Variants in OTOA observed in about 807,000 individuals in gnomAD.
The protein encoded by OTOA is cancer/testis antigen 108.
A neutral mutation model predicts 110.8 loss-of-function variants in OTOA; 70 were observed. The ratio of observed to expected loss-of-function variants is 0.63; its 90% confidence interval spans 0.52 to 0.77. OTOA has a LOEUF of 0.77. Among genes scored for constraint, OTOA ranks in the 30% least tolerant of loss-of-function variants. The probability of loss-of-function intolerance (pLI) is 0.00; values close to 1 mark genes in which losing one functional copy is unlikely to be tolerated. For synonymous variants in OTOA, 373 were observed against 431.5 expected (o/e 0.86, Z 1.68); for missense variants, 917 against 1,075.8 (o/e 0.85, Z 2.06).
intron 5 of OTOA, among the ~76,000 whole-genome samples, chr16:21,679,565 C>T (rs1277728198): frequency 6.6e-6 from 1 of 151,848 alleles, no homozygotes; most frequent in East Asian, 1.9e-4. Context: ...TCACCATGCC[C>T]GGCTAATTTT....
At position 21,701,018 on chromosome 16, in the gene OTOA, C is replaced by T; in HGVS notation, c.971C>T (p.Thr324Ile). Residue 324 changes from threonine (T) to isoleucine (I), a missense_variant, in exon 11 of 29, where the codon ACC (threonine) becomes ATC (isoleucine). Coordinates refer to ENST00000646100, the MANE Select transcript of OTOA (RefSeq NM_144672.4). ...AACTTTAACATGAGGAATACCTCCA[C>T]CATCCACAGGCAAGCGCATGAGCTC... ...SSNFNMRNTS[T>I]IHRLGLLVCF... 6.2e-7 allele frequency: 1 copy of T among 1,614,192 alleles called. No individual in the cohort carries two copies. Among genetic ancestry groups the T allele is most frequent in the Non-Finnish European group, 8.5e-7 (1 of 1,180,042 alleles).
chr16:21,692,339 AAG>A (rs1278094879), intron 9 of OTOA, among the ~76,000 whole-genome samples: 2 of 152,030 alleles, frequency 1.3e-5, no homozygotes, highest in African/African-American at 2.4e-5. Context: ...AAAAAAAAAA[AAG>A]AGAGAGAGAC....
chr16:21,687,208 G>T (rs1466860671), intron 7 of OTOA, among the ~76,000 whole-genome samples: 1 of 152,214 alleles, frequency 6.6e-6, no homozygotes, highest in Non-Finnish European at 1.5e-5. Context: ...TATCTGGAGA[G>T]TGGGGAGGCT....
chr16:21,744,437 G>A (rs1299589749), intron 23 of OTOA, among the ~76,000 whole-genome samples: 16 of 141,500 alleles, frequency 1.1e-4, no homozygotes, highest in Middle Eastern at 3.4e-3. Context: ...GTGAGCCACC[G>A]CACCTAGCCT....
chr16:21,723,210 C>G (rs1401118073), intron 18 of OTOA, among the ~76,000 whole-genome samples: 1 of 152,080 alleles, frequency 6.6e-6, no homozygotes, highest in Non-Finnish European at 1.5e-5. Context: ...CCAAAGCAAC[C>G]CAAGCCTGAA....
At chr16:21,759,398 C>A (rs1900096261) in intron 28 of OTOA, among the ~76,000 whole-genome samples, 2 of 151,890 alleles carry the variant, frequency 1.3e-5, no homozygotes, top group Admixed American at 1.3e-4. Flanking sequence ...AGGAGCTGTG[C>A]CATTGTTGGT....
intron 15 of OTOA, 136 bp downstream of exon 15, chr16:21,717,183 G>A: frequency 7.6e-7 from 1 of 1,319,418 alleles, no homozygotes; most frequent in Middle Eastern, 2.0e-4. Context: ...ATAGTATAGT[G>A]TTAAGAATTT....
chr16:21,727,012 GTTT>G (rs543449382), intron 19 of OTOA: 1,001 of 143,650 alleles, frequency 7.0e-3, no homozygotes, highest in South Asian at 0.019. Flanking sequence ...CCCCCTTAGA[GTTT>G]TTTTTTTTTT....
At chr16:21,757,958 C>G (rs925382515) in intron 28 of OTOA, among the ~76,000 whole-genome samples, 2 of 152,084 alleles carry the variant, frequency 1.3e-5, no homozygotes, top group African/African-American at 4.8e-5. Flanking sequence ...TACTGGGCAC[C>G]TACTATGTTC....
chr16:21,692,394 A>C (rs894803066), intron 9 of OTOA, among the ~76,000 whole-genome samples: 1 of 152,058 alleles, frequency 6.6e-6, no homozygotes, highest in Non-Finnish European at 1.5e-5. Flanking sequence ...AAAACACAGA[A>C]ATTTAACTCT....
At chr16:21,710,186 C>A (rs1249397793) in intron 13 of OTOA, 83 bp downstream of exon 13, 2 of 1,316,404 alleles carry the variant, frequency 1.5e-6, no homozygotes, top group Admixed American at 4.0e-5. Flanking sequence ...TAAAAATATA[C>A]TGTAGATTGA....
chr16:21,695,892 T>TATATATATATATATATATA (rs377002847), intron 9 of OTOA, among the ~76,000 whole-genome samples: 5 of 21,062 alleles, frequency 2.4e-4, no homozygotes, highest in East Asian at 1.1e-3. Flanking sequence ...TATATATATA[T>TATATATATATATATATATA]TTTTTTTTTT....
At chr16:21,730,146 T>C (rs1160903696) in intron 20 of OTOA, 4 of 153,256 alleles carry the variant, frequency 2.6e-5, no homozygotes, top group East Asian at 1.9e-4. Flanking sequence ...AGACCTCCTT[T>C]AGAGATGTCG....
In OTOA at chr16:21,666,243, A is replaced by ATTTT. The variant is rs61085785; in HGVS notation, c.-5+2026_-5+2029dup. On this transcript the variant is annotated intron_variant, in intron 1 of 28. Transcript: ENST00000646100. ...TTTGGATTAATAGTCATGAAATGGC[A>ATTTT]TTTTTTTTTTTTTTTTTTGGTGGAA... 9.8e-4 allele frequency among the ~76,000 whole-genome samples: 126 copies of ATTTT among 129,038 alleles called. 1 individual carries two copies. The highest frequency in any genetic ancestry group is 3.6e-3 in the African/African-American group (122 of 33,982). 84.7% of individuals were successfully genotyped at this position (129,038 alleles called of 152,430 possible).
At chr16:21,724,052 GA>G (rs1898841497) in intron 18 of OTOA, among the ~76,000 whole-genome samples, 1 of 152,166 alleles carries the variant, frequency 6.6e-6, no homozygotes, top group Non-Finnish European at 1.5e-5. Flanking sequence ...GGTTCTCCAA[GA>G]AAAACTAGGT....
intron 12 of OTOA, among the ~76,000 whole-genome samples, chr16:21,705,829 C>T (rs1479550669): frequency 1.3e-5 from 2 of 152,048 alleles, no homozygotes; most frequent in Non-Finnish European, 2.9e-5. Flanking sequence ...ATCCCAGCTA[C>T]TCAGGAGGCT....
chr16:21,668,966 A>C (rs931962653), intron 1 of OTOA, among the ~76,000 whole-genome samples: 1 of 152,018 alleles, frequency 6.6e-6, no homozygotes, highest in African/African-American at 2.4e-5. Context: ...TGGGGGTGCC[A>C]TGGGTCTCAG....
rs576671384 is a variant in OTOA, at chr16:21,670,045, G to C, written c.-5+5813G>C. On this transcript the variant is annotated intron_variant, in intron 1 of 28. Coordinates refer to ENST00000646100, the MANE Select transcript of OTOA (RefSeq NM_144672.4). ...AGAGGCTGAGGCAGGAGAATCACTT[G>C]AGCCGGGGAGGCAGAGGTTGCAGTG... 1.5e-3 allele frequency among the ~76,000 whole-genome samples: 221 copies of C among 152,178 alleles called. 1 individual carries two copies. The highest frequency in any genetic ancestry group is 6.8e-3 in the Middle Eastern group (2 of 294).
Position 21,728,385 on chromosome 16 carries a change from C to G in OTOA, c.2161C>G (p.Pro721Ala). ...CCTCAGAGACTGCCCAGACCTCAAC[C>G]CTGAGCAAAAGGCTGCAGTGAGGCT... is the stretch of plus-strand genomic sequence containing the variant. ...HGLRDCPDLN[P>A]EQKAAVRLKL... The change falls in exon 20 of 29, where the codon CCT (proline) becomes GCT (alanine). Residue 721 changes from proline (P) to alanine (A), a missense_variant. Pro to Ala is a conservative substitution (Grantham distance 27). Around this residue, in one of 6 missense-constraint regions of OTOA, gnomAD observed 840 missense variants for 910.2 expected, o/e 0.92. Transcript: ENST00000646100. The G allele has an allele frequency of 6.2e-7, 1 of 1,614,128 alleles. No individual in the cohort carries two copies. The highest frequency in any genetic ancestry group is 8.5e-7 in the Non-Finnish European group (1 of 1,180,016).
Sources: allele counts gnomAD v4.1 joint callset (sites outside exome capture counted in the v4.1 genomes callset), GRCh38; gene constraint gnomAD v4.1.1; regional missense constraint gnomAD v4.1.1; transcripts MANE v1.5; gene names NCBI Gene and HGNC (gene_info 2026-07-23, HGNC 2026-07-21).